Variants in ZNF337 observed in about 807,000 individuals in gnomAD.
ZNF337 encodes zinc finger protein 337.
ZNF337 carries 8 observed loss-of-function variants against 12.1 expected under a neutral mutation model. The ratio of observed to expected loss-of-function variants is 0.66; its 90% confidence interval spans 0.39 to 1.19. The LOEUF (loss-of-function observed/expected upper bound fraction) is 1.19. ZNF337 is among the 50% of genes most tolerant of loss of function. ZNF337 has a pLI of 0.01. For synonymous variants in ZNF337, 336 were observed against 320.0 expected (o/e 1.05, Z -0.53); for missense variants, 882 against 896.6 (o/e 0.98, Z 0.21).
chr20:25,683,714 A>G (rs1334362411), intron 4 of ZNF337, among the ~76,000 whole-genome samples: 4 of 152,156 alleles, frequency 2.6e-5, no homozygotes, highest in South Asian at 2.1e-4. Flanking sequence ...CAGGTGCTGG[A>G]GAGGATGTGG....
chr20:25,675,545 G>A lies in ZNF337; in HGVS notation c.1743C>T (p.Phe581=), dbSNP rs2065671225. The A allele has an allele frequency of 6.2e-7, 1 of 1,612,230 alleles. No homozygotes were observed. The highest frequency in any genetic ancestry group is 1.3e-5 in the African/African-American group (1 of 74,600). Residue 581 remains phenylalanine (F), a synonymous_variant, in exon 5 of 5, where the codon TTC becomes TTT. Coordinates refer to ENST00000252979, the MANE Select transcript of ZNF337 (RefSeq NM_015655.4). Reference sequence around the variant, plus strand: ...GGAAGAGGAGAGTTGATTTTAGGATGAAGCCTCGCCCGCAATCCTTGCAAT... The same window carrying A: ...GGAAGAGGAGAGTTGATTTTAGGATAAAGCCTCGCCCGCAATCCTTGCAAT... ...PFNCKDCGRG[F]ILKSTLLFHQ...
rs537772825 is a variant in ZNF337 at position 25,682,799 on chromosome 20, C to T, written c.250+2768G>A. Among the ~76,000 whole-genome samples, 28 of 151,484 alleles carry T rather than the reference C, an allele frequency of 1.8e-4. No individual in the cohort carries two copies. In the South Asian group the frequency reaches 4.6e-3, roughly 25 times the overall value. ...CCAAGGAGCCAAGATCGCGCCATTGCACTCCAGCCTGGGCTACAAGAGTGA... is the reference window on the plus strand; with the variant it reads ...CCAAGGAGCCAAGATCGCGCCATTGTACTCCAGCCTGGGCTACAAGAGTGA... On this transcript the variant is annotated intron_variant, in intron 4 of 4. Coordinates refer to ENST00000252979, the MANE Select transcript of ZNF337 (RefSeq NM_015655.4).
Position 25,674,879 on chromosome 20 carries a change from C to T in ZNF337, c.*153G>A, listed in dbSNP as rs967904850. The T allele has an allele frequency of 1.5e-6, 1 of 666,276 alleles. No individual in the cohort carries two copies. Among genetic ancestry groups the T allele is most frequent in the Non-Finnish European group, 2.5e-6 (1 of 395,406 alleles). 41.3% of individuals were successfully genotyped at this position (666,276 alleles called of 1,614,324 possible). A position where few individuals can be genotyped will look rare whatever the true frequency, so the allele number is the denominator to read the frequency against. On this transcript the variant is annotated 3_prime_UTR_variant, in exon 5 of 5. Transcript: ENST00000252979. The stretch of plus-strand genomic sequence containing the variant: ...CTCTTTTCTCTGAATCTCTTGGGGA[C>T]ACATGGGTTGAATTCAGGTTCTCTG...
intron 3 of ZNF337, 40 bp downstream of exon 3, chr20:25,685,956 C>T (rs200198223): frequency 1.9e-6 from 3 of 1,587,968 alleles, no homozygotes; most frequent in Non-Finnish European, 2.6e-6. Flanking sequence ...ATCAGAGGCA[C>T]CACAGGCCAA....
rs2065696626 is a variant in ZNF337, at chr20:25,676,570, C to G, written c.718G>C (p.Val240Leu). The G allele has an allele frequency of 4.3e-6, 7 of 1,614,222 alleles. No individual in the cohort carries two copies. The highest frequency in any genetic ancestry group is 5.9e-6 in the Non-Finnish European group (7 of 1,180,036). ...HTGEKSYVCS[V>L]CGRGFSLKAN... ...TTGAGGCTGAAGCCTCGCCCACACA[C>G]ACTGCACACATAGGACTTCTCTCCT... is the stretch of plus-strand genomic sequence containing the variant. Residue 240 changes from valine (V) to leucine (L), a missense_variant, in exon 5 of 5, where the codon GTG (valine) becomes CTG (leucine). Transcript: ENST00000252979.
chr20:25,679,607 G>C (rs78487259), intron 4 of ZNF337, among the ~76,000 whole-genome samples: 2,186 of 152,074 alleles, frequency 0.014, 57 homozygotes, highest in African/African-American at 0.05. Context: ...ATCACACTGA[G>C]AGATCCTCTT....
At chr20:25,696,593 A>G (rs749350058) in intron 1 of ZNF337, among the ~76,000 whole-genome samples, 166 bp downstream of exon 1, 5 of 152,176 alleles carry the variant, frequency 3.3e-5, no homozygotes, top group Non-Finnish European at 7.4e-5. Context: ...CGCCCACTTC[A>G]AGGCGCGGCC....
intron 4 of ZNF337, 61 bp from the exon 5 acceptor site, chr20:25,677,098 A>C (rs867565048): frequency 7.4e-7 from 1 of 1,353,682 alleles, no homozygotes; most frequent in Non-Finnish European, 9.9e-7. Flanking sequence ...TGAAAGAAAA[A>C]CCCAGAACCA....
intron 1 of ZNF337, among the ~76,000 whole-genome samples, chr20:25,688,096 CATAA>C (rs1221652701): frequency 3.9e-5 from 6 of 152,250 alleles, no homozygotes; most frequent in Non-Finnish European, 8.8e-5. Flanking sequence ...TATATACTTA[CATAA>C]ATAGTTTACC....
At chr20:25,684,404 G>A (rs1465885140) in intron 4 of ZNF337, among the ~76,000 whole-genome samples, 1 of 151,874 alleles carries the variant, frequency 6.6e-6, no homozygotes, top group Non-Finnish European at 1.5e-5. Flanking sequence ...AAAGAGAAAT[G>A]CAAATCAAAA....
intron 1 of ZNF337, among the ~76,000 whole-genome samples, chr20:25,696,186 G>A (rs1045125310): frequency 2.0e-4 from 31 of 151,414 alleles, no homozygotes; most frequent in African/African-American, 7.1e-4. Context: ...CCAAGGCGGG[G>A]TGCTCCCAAC....
At position 25,675,154 on chromosome 20, in the gene ZNF337, G is replaced by T; in HGVS notation, c.2134C>A (p.Pro712Thr). The stretch of plus-strand genomic sequence containing the variant: ...CGTCCACACTCTTGGCATTCATAAG[G>T]CCTCTCTCCTGTGTGTATTCTTTCA... ...VHERIHTGER[P>T]YECQECGRKF... is the part of the protein sequence containing the mutation. Residue 712 changes from proline (P) to threonine (T), a missense_variant, in exon 5 of 5, where the codon CCT (proline) becomes ACT (threonine). Transcript: ENST00000252979. 6.2e-7 allele frequency: 1 copy of T among 1,614,198 alleles called. No individual in the cohort carries two copies. The highest frequency in any genetic ancestry group is 2.2e-5 in the East Asian group (1 of 44,890).
rs556512425 is a variant in ZNF337, at chr20:25,685,890, C to T, written c.154+106G>A. 37 of 1,498,514 alleles carry T rather than the reference C, an allele frequency of 2.5e-5. No homozygotes were observed. In the African/African-American group the frequency reaches 4.5e-4, roughly 18 times the overall value. The allele number at this position is 1,498,514 out of a possible 1,614,324, so 92.8% of individuals were successfully genotyped here. A position where few individuals can be genotyped will look rare whatever the true frequency, so the allele number is the denominator to read the frequency against. On this transcript the variant is annotated intron_variant, in intron 3 of 4. Transcript: ENST00000252979. ...TGAAACTTTACCAAAGCCAGACCTTCCTCAGGGGAATAGAGAAAACAACAT... is the reference window on the plus strand; with the variant it reads ...TGAAACTTTACCAAAGCCAGACCTTTCTCAGGGGAATAGAGAAAACAACAT...
At chr20:25,690,753 C>G (rs1315541841) in intron 1 of ZNF337, among the ~76,000 whole-genome samples, 1 of 152,160 alleles carries the variant, frequency 6.6e-6, no homozygotes, top group Non-Finnish European at 1.5e-5. Flanking sequence ...GAAAAAGCCA[C>G]AAGCAAAGGT....
rs756837200 is a variant in ZNF337, at chr20:25,675,001, T to TA, written c.*30_*31insT. The TA allele has an allele frequency of 1.1e-4, 168 of 1,588,270 alleles. No individual in the cohort carries two copies. The highest frequency in any genetic ancestry group is 9.0e-4 in the Admixed American group (53 of 58,720). ...AACAAAGCAAAGTTACTCTCCTGAG[T>TA]GTGTCCTCTGATGGATGGTGAGATA... is the stretch of plus-strand genomic sequence containing the variant. On this transcript the variant is annotated 3_prime_UTR_variant, in exon 5 of 5. Coordinates refer to ENST00000252979, the MANE Select transcript of ZNF337 (RefSeq NM_015655.4).
At chr20:25,692,527 T>C (rs1390505210) in intron 1 of ZNF337, among the ~76,000 whole-genome samples, 2 of 152,234 alleles carry the variant, frequency 1.3e-5, no homozygotes, top group African/African-American at 4.8e-5. Flanking sequence ...GAGAGATCTG[T>C]TATATATTCT....
intron 4 of ZNF337, among the ~76,000 whole-genome samples, chr20:25,684,226 ATAGCAC>A (rs1026547195): frequency 8.1e-6 from 1 of 123,974 alleles, no homozygotes; most frequent in Non-Finnish European, 1.7e-5. Context: ...GGGGGGAGGG[ATAGCAC>A]TAGGAGATAT....
chr20:25,694,452 T>C (rs2065904260), intron 1 of ZNF337, among the ~76,000 whole-genome samples: 1 of 152,180 alleles, frequency 6.6e-6, no homozygotes, highest in African/African-American at 2.4e-5. Context: ...AGGTATATCT[T>C]GACTGATGGG....
intron 3 of ZNF337, 93 bp downstream of exon 3, chr20:25,685,903 G>C: frequency 6.6e-7 from 1 of 1,519,784 alleles, no homozygotes; most frequent in Non-Finnish European, 8.8e-7. Flanking sequence ...CAGGGGAATA[G>C]AGAAAACAAC....
Sources: allele counts gnomAD v4.1 joint callset (sites outside exome capture counted in the v4.1 genomes callset), GRCh38; gene constraint gnomAD v4.1.1; transcripts MANE v1.5; gene names NCBI Gene and HGNC (gene_info 2026-07-23, HGNC 2026-07-21).